IL1RAPL2: variants seen among roughly 807,000 people sequenced by gnomAD.
IL1RAPL2 encodes the protein interleukin 1 receptor accessory protein like 2, also known as X-linked interleukin-1 receptor accessory protein-like 2.
A neutral mutation model predicts 44.1 loss-of-function variants in IL1RAPL2; 3 were observed. The observed-to-expected ratio is 0.07, with a 90% CI of 0.03 to 0.18. IL1RAPL2 has a LOEUF of 0.18. IL1RAPL2 is among the 10% of genes least tolerant of loss of function. The pLI is 1.00. For synonymous variants in IL1RAPL2, 181 were observed against 178.8 expected (o/e 1.01, Z -0.10); for missense variants, 391 against 496.4 (o/e 0.79, Z 2.02).
At chrX:104,620,639 CAAA>C (rs771769782) in intron 1 of IL1RAPL2, among the ~76,000 whole-genome samples, 23 of 14,575 alleles carry the variant, frequency 1.6e-3, no homozygotes, top group South Asian at 0.032. Flanking sequence ...GAGTCTGTCT[CAAA>C]AAAAAAAAAA....
At chrX:105,173,827 G>A (rs1023370682) in intron 2 of IL1RAPL2, among the ~76,000 whole-genome samples, 1 of 109,380 alleles carries the variant, frequency 9.1e-6, no homozygotes. Context: ...CCGCCGCCCA[G>A]GTTCTTGCAA....
chrX:105,580,882 C>T (rs1176584359), intron 6 of IL1RAPL2, among the ~76,000 whole-genome samples: 1 of 111,971 alleles, frequency 8.9e-6, no homozygotes, highest in East Asian at 2.8e-4. Flanking sequence ...GGAGGGAGAA[C>T]AGTAACATAA....
At chrX:105,183,063 G>A (rs1313282595) in intron 2 of IL1RAPL2, among the ~76,000 whole-genome samples, 1 of 111,151 alleles carries the variant, frequency 9.0e-6, no homozygotes, top group African/African-American at 3.3e-5. Context: ...GCACTGTGGC[G>A]AGTGGAGGGT....
intron 6 of IL1RAPL2, among the ~76,000 whole-genome samples, chrX:105,553,206 A>G (rs2036871517): frequency 8.9e-6 from 1 of 111,797 alleles, no homozygotes; most frequent in Admixed American, 9.5e-5. Context: ...ATAGATAATC[A>G]TAGAAAAACA....
intron 2 of IL1RAPL2, among the ~76,000 whole-genome samples, chrX:104,697,952 TCTA>T (rs957938418): frequency 8.9e-6 from 1 of 112,610 alleles, no homozygotes; most frequent in Non-Finnish European, 1.9e-5. Flanking sequence ...TTGGTTGCAA[TCTA>T]GGGATTGACC....
chrX:105,697,450 A>T (rs187253344), intron 6 of IL1RAPL2, among the ~76,000 whole-genome samples: 1 of 111,681 alleles, frequency 9.0e-6, no homozygotes, highest in Admixed American at 9.5e-5. Flanking sequence ...GCAGTTGATT[A>T]GGCAGTGCTC....
chrX:105,215,503 G>A (rs1301697126), intron 3 of IL1RAPL2, among the ~76,000 whole-genome samples: 3 of 111,494 alleles, frequency 2.7e-5, no homozygotes, highest in East Asian at 2.8e-4. Context: ...AGGACCAGAC[G>A]GATTCACAGC....
At chrX:104,660,390 GA>G (rs1232324856) in intron 2 of IL1RAPL2, among the ~76,000 whole-genome samples, 1 of 108,347 alleles carries the variant, frequency 9.2e-6, no homozygotes, top group East Asian at 2.9e-4. Flanking sequence ...GATCCGAAAG[GA>G]AAAAAAGAAA....
chrX:104,772,699 T>C (rs1160981551), intron 2 of IL1RAPL2, among the ~76,000 whole-genome samples: 1 of 111,912 alleles, frequency 8.9e-6, no homozygotes, highest in African/African-American at 3.2e-5. Context: ...TAAAGTCATA[T>C]AAAATCATAC....
chrX:105,174,064 A>T (rs761843348), intron 2 of IL1RAPL2, among the ~76,000 whole-genome samples: 1 of 110,009 alleles, frequency 9.1e-6, no homozygotes, highest in Non-Finnish European at 1.9e-5. Context: ...CTTCCAACCA[A>T]TCCTTTTTTT....
At chrX:105,160,935 T>C (rs1259742388) in intron 2 of IL1RAPL2, among the ~76,000 whole-genome samples, 1 of 111,856 alleles carries the variant, frequency 8.9e-6, no homozygotes, top group Non-Finnish European at 1.9e-5. Flanking sequence ...AGGTAGACAG[T>C]GTTCCTTTGA....
At chrX:105,717,661 G>A (rs1037584049) in intron 7 of IL1RAPL2, among the ~76,000 whole-genome samples, 165 bp downstream of exon 7, 12 of 111,822 alleles carry the variant, frequency 1.1e-4, no homozygotes, top group Non-Finnish European at 1.5e-4. Context: ...ACATAAGTAG[G>A]TCTTTCTCCC....
chrX:105,036,427 T>G (rs2031629817), intron 2 of IL1RAPL2, among the ~76,000 whole-genome samples: 2 of 112,079 alleles, frequency 1.8e-5, no homozygotes, highest in Non-Finnish European at 3.8e-5. Flanking sequence ...TTTTAGAGTT[T>G]CCAAGGCCAA....
At chrX:104,850,382 G>A (rs190573215) in intron 2 of IL1RAPL2, among the ~76,000 whole-genome samples, 438 of 111,428 alleles carry the variant, frequency 3.9e-3, no homozygotes, top group African/African-American at 0.013. Flanking sequence ...ACTAGTTAAC[G>A]TGGGAAGGGA....
chrX:105,210,369 A>G (rs911059883), intron 3 of IL1RAPL2, among the ~76,000 whole-genome samples: 3 of 111,273 alleles, frequency 2.7e-5, no homozygotes, highest in South Asian at 3.8e-4. Flanking sequence ...ACTCCACCCT[A>G]TACCCTAATG....
chrX:105,588,686 T>C (rs1178540742), intron 6 of IL1RAPL2, among the ~76,000 whole-genome samples: 2 of 112,039 alleles, frequency 1.8e-5, no homozygotes, highest in African/African-American at 6.5e-5. Context: ...TGATGGCATC[T>C]AGCTCCATCC....
At chrX:105,540,542 C>A (rs2036712610) in intron 6 of IL1RAPL2, among the ~76,000 whole-genome samples, 1 of 108,494 alleles carries the variant, frequency 9.2e-6, no homozygotes, top group Non-Finnish European at 1.9e-5. Context: ...GAGGGAGATT[C>A]TCTCTCTAAG....
At chrX:105,211,979 AT>A (rs1269016186) in intron 3 of IL1RAPL2, among the ~76,000 whole-genome samples, 2 of 111,939 alleles carry the variant, frequency 1.8e-5, no homozygotes, top group African/African-American at 6.5e-5. Context: ...AGATCAGGAG[AT>A]TTCCCTTGTG....
At chrX:105,548,421 G>T (rs1368203239) in intron 6 of IL1RAPL2, among the ~76,000 whole-genome samples, 1 of 111,215 alleles carries the variant, frequency 9.0e-6, no homozygotes, top group Non-Finnish European at 1.9e-5. Context: ...GAACATTTCA[G>T]GCAGAGTAAA....
Sources: gnomAD v4.1 joint callset for allele counts (sites outside exome capture counted in the v4.1 genomes callset) on GRCh38, gnomAD v4.1.1 for gene constraint, MANE v1.5 for transcripts, NCBI Gene and HGNC (gene_info 2026-07-23, HGNC 2026-07-21) for gene names.